The following REEP3 variants were observed in gnomAD, a reference collection of about 807,000 sequenced individuals.
REEP3 encodes the protein receptor accessory protein 3.
Under a neutral mutation model 41.3 loss-of-function variants are expected in REEP3, and 20 were observed. The ratio of observed to expected loss-of-function variants is 0.48; its 90% CI spans 0.34 to 0.70. REEP3 has a LOEUF of 0.70. Among genes scored for constraint, REEP3 ranks in the 30% least tolerant of loss-of-function variants. The probability of loss-of-function intolerance (pLI) is 0.01; values close to 1 mark genes in which losing one functional copy is unlikely to be tolerated. For synonymous variants in REEP3, 104 were observed against 101.8 expected (o/e 1.02, Z -0.13); for missense variants, 271 against 308.8 (o/e 0.88, Z 0.92).
In REEP3 at chr10:63,621,950, A is replaced by C. The variant is rs1956357367; in HGVS notation, c.*1081A>C. 6.6e-6 allele frequency: 1 copy of C among 152,254 alleles called. No individual in the cohort carries two copies. Among genetic ancestry groups the C allele is most frequent in the Non-Finnish European group, 1.5e-5 (1 of 68,042 alleles). 9.4% of individuals were successfully genotyped at this position (152,254 alleles called of 1,614,324 possible). A position where few individuals can be genotyped will look rare whatever the true frequency, so the allele number is the denominator to read the frequency against. ...TCTGGCTGAGATAATTTGCCAATGC[A>C]AAATACAGTTGTCATTAATCCTGCA... On this transcript the variant is annotated 3_prime_UTR_variant, in exon 8 of 8. Coordinates refer to ENST00000373758, the MANE Select transcript of REEP3 (RefSeq NM_001001330.3).
intron 2 of REEP3, among the ~76,000 whole-genome samples, chr10:63,580,820 C>T (rs1290047997): frequency 6.6e-6 from 1 of 152,066 alleles, no homozygotes. Flanking sequence ...GCAGACCAGC[C>T]TGGGTAACAT....
intron 1 of REEP3, among the ~76,000 whole-genome samples, chr10:63,522,648 A>G (rs965962121): frequency 6.6e-6 from 1 of 152,162 alleles, no homozygotes; most frequent in African/African-American, 2.4e-5. Flanking sequence ...GAAAAATAAC[A>G]TTACCAGACT....
At chr10:63,550,249 A>G (rs1033264179) in intron 1 of REEP3, among the ~76,000 whole-genome samples, 2 of 152,260 alleles carry the variant, frequency 1.3e-5, no homozygotes, top group Admixed American at 6.5e-5. Flanking sequence ...TCAAAGCCCC[A>G]TCCAGTGATA....
At chr10:63,565,062 A>G (rs1955784583) in intron 1 of REEP3, among the ~76,000 whole-genome samples, 1 of 152,200 alleles carries the variant, frequency 6.6e-6, no homozygotes, top group Non-Finnish European at 1.5e-5. Context: ...GTTTGAGACC[A>G]GCCTGGCCAA....
chr10:63,533,710 C>CTTTTTTTTGTTTTTTTTTTTTT (rs1955446999), intron 1 of REEP3, among the ~76,000 whole-genome samples: 1 of 101,070 alleles, frequency 9.9e-6, no homozygotes, highest in Non-Finnish European at 2.2e-5. Flanking sequence ...GTATGTAAAT[C>CTTTTTTTTGTTTTTTTTTTTTT]TTTTTTTTTT....
intron 1 of REEP3, among the ~76,000 whole-genome samples, chr10:63,565,947 C>T (rs1411259717): frequency 2.7e-5 from 4 of 149,344 alleles, no homozygotes; most frequent in Non-Finnish European, 4.4e-5. Flanking sequence ...TGCAGTGGCA[C>T]GATCTTGGCT....
At chr10:63,545,897 C>T (rs1188663106) in intron 1 of REEP3, among the ~76,000 whole-genome samples, 2 of 151,966 alleles carry the variant, frequency 1.3e-5, no homozygotes, top group East Asian at 3.9e-4. Context: ...CATTTAGTCT[C>T]GGGGTAACTT....
At chr10:63,558,726 G>A (rs1452428032) in intron 1 of REEP3, among the ~76,000 whole-genome samples, 4 of 150,870 alleles carry the variant, frequency 2.7e-5, no homozygotes, top group African/African-American at 4.9e-5. Context: ...CTGGGCAACA[G>A]AGCAAGACTC....
At position 63,545,503 on chromosome 10, in the gene REEP3, T is replaced by G. The variant is rs572739187; in HGVS notation, c.33-20835T>G. On this transcript the variant is annotated intron_variant, in intron 1 of 7. Transcript: ENST00000373758. Reference sequence around the variant, plus strand: ...GATTCTTCTGCCTCCGCCTCCCAAATAGCTGGGACTACAGGCACCCGCCAC... The same window carrying G: ...GATTCTTCTGCCTCCGCCTCCCAAAGAGCTGGGACTACAGGCACCCGCCAC... 1.4e-3 allele frequency among the ~76,000 whole-genome samples: 217 copies of G among 151,966 alleles called. 1 individual carries two copies. The highest frequency in any genetic ancestry group is 2.7e-3 in the Non-Finnish European group (183 of 67,964).
intron 5 of REEP3, among the ~76,000 whole-genome samples, chr10:63,601,807 G>A (rs774768584): frequency 6.6e-6 from 1 of 152,102 alleles, no homozygotes; most frequent in Non-Finnish European, 1.5e-5. Context: ...TGTAGTCCCA[G>A]CTACTCAGGA....
At chr10:63,558,816 A>AGT (rs374170471) in intron 1 of REEP3, among the ~76,000 whole-genome samples, 30 of 151,566 alleles carry the variant, frequency 2.0e-4, no homozygotes, top group South Asian at 8.3e-4. Flanking sequence ...GAGTGTATAT[A>AGT]GTGTGTGTGT....
chr10:63,613,141 A>G (rs1386358288), intron 6 of REEP3, among the ~76,000 whole-genome samples: 1 of 151,810 alleles, frequency 6.6e-6, no homozygotes, highest in African/African-American at 2.4e-5. Flanking sequence ...CCTCCTGAGT[A>G]TCTGGGATTA....
At chr10:63,597,781 C>T (rs61855876) in intron 3 of REEP3, among the ~76,000 whole-genome samples, 24,259 of 151,802 alleles carry the variant, frequency 0.16, 2,648 homozygotes, top group East Asian at 0.56. Context: ...GGAGTGGTGA[C>T]GTGCACCTGT....
At chr10:63,572,305 C>CT (rs11397106) in intron 2 of REEP3, among the ~76,000 whole-genome samples, 69,097 of 148,914 alleles carry the variant, frequency 0.46, 16,039 homozygotes, top group Middle Eastern at 0.55. Flanking sequence ...TTTAAACCGA[C>CT]TTTTTTTTTT....
At chr10:63,599,679 C>T (rs745498591) in intron 5 of REEP3, 69 of 985,702 alleles carry the variant, frequency 7.0e-5, no homozygotes, top group Non-Finnish European at 7.8e-5. Flanking sequence ...GGATTTCTGG[C>T]TTACTTCTGC....
intron 2 of REEP3, among the ~76,000 whole-genome samples, chr10:63,570,283 A>G (rs961474898): frequency 1.1e-4 from 17 of 152,326 alleles, no homozygotes; most frequent in Admixed American, 8.5e-4. Flanking sequence ...TGATGAGAAA[A>G]CTATAAACAT....
intron 6 of REEP3, among the ~76,000 whole-genome samples, chr10:63,611,159 T>G (rs1956274508): frequency 6.6e-6 from 1 of 152,236 alleles, no homozygotes; most frequent in African/African-American, 2.4e-5. Flanking sequence ...CCATGAATTT[T>G]AGAAGCTGTA....
At chr10:63,596,880 C>T (rs971087735) in intron 3 of REEP3, among the ~76,000 whole-genome samples, 3 of 152,104 alleles carry the variant, frequency 2.0e-5, no homozygotes, top group African/African-American at 7.2e-5. Flanking sequence ...TGGGCTGAAG[C>T]AATCCTCCCA....
intron 1 of REEP3, among the ~76,000 whole-genome samples, chr10:63,526,116 T>G (rs897860758): frequency 2.0e-5 from 3 of 152,226 alleles, no homozygotes; most frequent in Non-Finnish European, 2.9e-5. Flanking sequence ...TGAATCACTT[T>G]GTGTGTAGGT....
Sources: allele counts gnomAD v4.1 joint callset (sites outside exome capture counted in the v4.1 genomes callset), GRCh38; gene constraint gnomAD v4.1.1; transcripts MANE v1.5; gene names NCBI Gene and HGNC (gene_info 2026-07-23, HGNC 2026-07-21).